The following PCCA variants were observed in gnomAD, a reference collection of about 807,000 sequenced individuals.
The protein encoded by PCCA is propionyl-CoA carboxylase alpha chain, mitochondrial.
PCCA carries 74 observed loss-of-function variants against 101.3 expected under a neutral mutation model. The observed-to-expected ratio is 0.73, with a 90% CI of 0.61 to 0.89. The LOEUF (loss-of-function observed/expected upper bound fraction) is 0.89, where lower values mean the gene tolerates loss of function less well. Ranked by LOEUF, PCCA falls within the 40% of genes least tolerant of loss-of-function variation. The probability of loss-of-function intolerance (pLI) is 0.00; values close to 1 mark genes in which losing one functional copy is unlikely to be tolerated. For synonymous variants in PCCA, 294 were observed against 313.6 expected, an observed-to-expected ratio of 0.94 and a Z score of 0.66; for missense variants, 891 against 907.0, an observed-to-expected ratio of 0.98 and a Z score of 0.23.
At chr13:100,194,563 G>T (rs1450303985) in intron 6 of PCCA, among the ~76,000 whole-genome samples, 1 of 152,020 alleles carries the variant, frequency 6.6e-6, no homozygotes. Flanking sequence ...GATTACAGGC[G>T]TGTGCCACCA....
chr13:100,158,004 A>G (rs112061249), intron 6 of PCCA, among the ~76,000 whole-genome samples: 2,239 of 152,338 alleles, frequency 0.015, 61 homozygotes, highest in African/African-American at 0.051. Context: ...ATTCTGAGAA[A>G]TGCATCATTA....
chr13:100,209,568 A>ACG, intron 7 of PCCA, 105 bp downstream of exon 7: 1 of 830,670 alleles, frequency 1.2e-6, no homozygotes, highest in South Asian at 1.4e-5. Context: ...ATACACACAC[A>ACG]CACACACATA....
intron 21 of PCCA, among the ~76,000 whole-genome samples, chr13:100,460,372 TATCTC>T (rs2082089142): frequency 6.6e-6 from 1 of 152,242 alleles, no homozygotes. Context: ...AAGGCAAACA[TATCTC>T]AGTGAGACTG....
chr13:100,199,606 C>G (rs1371273513), intron 6 of PCCA, among the ~76,000 whole-genome samples: 1 of 152,130 alleles, frequency 6.6e-6, no homozygotes, highest in African/African-American at 2.4e-5. Flanking sequence ...TTGATGAAGA[C>G]TATAGGAGGC....
At chr13:100,244,861 TATTG>T (rs1433150300) in intron 8 of PCCA, among the ~76,000 whole-genome samples, 2 of 152,120 alleles carry the variant, frequency 1.3e-5, no homozygotes, top group Admixed American at 6.6e-5. Flanking sequence ...AGGTACTGAA[TATTG>T]ATTCTTATTT....
chr13:100,190,265 A>G (rs965767616), intron 6 of PCCA, among the ~76,000 whole-genome samples: 10 of 152,174 alleles, frequency 6.6e-5, no homozygotes, highest in Non-Finnish European at 1.5e-4. Context: ...TTCTAGTGTG[A>G]ATAGTAAGGC....
At chr13:100,526,926 A>G (rs540134450) in intron 22 of PCCA, among the ~76,000 whole-genome samples, 5 of 152,378 alleles carry the variant, frequency 3.3e-5, no homozygotes, top group African/African-American at 9.6e-5. Flanking sequence ...CATGGAATGC[A>G]TGTAGCTCTG....
In PCCA at chr13:100,209,326, C is replaced by T. The variant is rs1411689584; in HGVS notation, c.469-6C>T. On this transcript the variant is annotated splice_region_variant and splice_polypyrimidine_tract_variant and intron_variant, in intron 6 of 23. Coordinates refer to ENST00000376285, the MANE Select transcript of PCCA (RefSeq NM_000282.4). ...GTTATAAATTTTGACTTGTTTTTCT[C>T]CACAGGCAGCAGAAGATGTCGTTTT... The T allele has an allele frequency of 2.5e-6, 4 of 1,613,200 alleles. No individual in the cohort carries two copies. In the Admixed American group the frequency reaches 6.7e-5, roughly 27 times the overall value.
intron 16 of PCCA, among the ~76,000 whole-genome samples, chr13:100,321,067 C>G (rs1764031345): frequency 6.6e-6 from 1 of 152,194 alleles, no homozygotes. Context: ...GCCTTAGCTA[C>G]TTATCTTTGG....
rs568574922 is a variant in PCCA at position 100,469,474 on chromosome 13, C to T, written c.1899+20169C>T. On this transcript the variant is annotated intron_variant, in intron 21 of 23. Transcript: ENST00000376285. ...TAAACATTCCTTGGCCTTTCTTGTACGTATCAAAAGGATTGATGGTGTGGC... is the reference window on the plus strand; with the variant it reads ...TAAACATTCCTTGGCCTTTCTTGTATGTATCAAAAGGATTGATGGTGTGGC... Among the ~76,000 whole-genome samples the T allele has an allele frequency of 8.6e-5, 13 of 152,026 alleles. No individual in the cohort carries two copies. In the South Asian group the frequency reaches 2.7e-3, roughly 32 times the overall value.
chr13:100,451,803 T>A (rs1356413823), intron 21 of PCCA, among the ~76,000 whole-genome samples: 4 of 55,440 alleles, frequency 7.2e-5, no homozygotes, highest in African/African-American at 3.8e-4. Context: ...CTCCTCTCTG[T>A]CCTCTTCCTC....
chr13:100,173,536 T>G (rs1238807346), intron 6 of PCCA, among the ~76,000 whole-genome samples: 2 of 152,206 alleles, frequency 1.3e-5, no homozygotes, highest in African/African-American at 4.8e-5. Flanking sequence ...GGTAGACAAG[T>G]GTATTTATCC....
chr13:100,125,135 T>TTTGTGTGTG (rs137918646), intron 4 of PCCA, among the ~76,000 whole-genome samples: 7 of 149,126 alleles, frequency 4.7e-5, no homozygotes, highest in African/African-American at 1.7e-4. Flanking sequence ...GACCTTTTAT[T>TTTGTGTGTG]TGTGTGTGTG....
intron 19 of PCCA, among the ~76,000 whole-genome samples, chr13:100,398,637 C>T (rs1217077534): frequency 2.0e-5 from 3 of 152,182 alleles, no homozygotes; most frequent in Non-Finnish European, 4.4e-5. Context: ...CCAAATTTGG[C>T]AGGTAAAATT....
Position 100,273,141 on chromosome 13 carries a change from A to G in PCCA, c.915-55A>G, listed in dbSNP as rs1477673494. The G allele has an allele frequency of 4.6e-5, 64 of 1,401,636 alleles. 1 individual carries two copies. In the East Asian group the frequency reaches 1.4e-3, roughly 30 times the overall value. 86.8% of individuals were successfully genotyped at this position (1,401,636 alleles called of 1,614,324 possible). ...AGAAAATGTTTATGTAATGCACACAAAAGATAACTTGATTTTTGTCCGAAA... is the reference window on the plus strand; with the variant it reads ...AGAAAATGTTTATGTAATGCACACAGAAGATAACTTGATTTTTGTCCGAAA... On this transcript the variant is annotated intron_variant, in intron 11 of 23. Transcript: ENST00000376285.
chr13:100,309,934 G>A, intron 16 of PCCA, 26 bp downstream of exon 16: 1 of 1,540,016 alleles, frequency 6.5e-7, no homozygotes, highest in Non-Finnish European at 9.0e-7. Flanking sequence ...TGCACTCGTT[G>A]GTTATTGTAT....
intron 18 of PCCA, among the ~76,000 whole-genome samples, chr13:100,359,942 G>A (rs2074382064): frequency 6.6e-6 from 1 of 152,120 alleles, no homozygotes. Flanking sequence ...GGAAGAAATT[G>A]GCACATTGAT....
intron 4 of PCCA, among the ~76,000 whole-genome samples, chr13:100,119,196 AT>A (rs1244892297): frequency 2.0e-5 from 3 of 151,774 alleles, no homozygotes; most frequent in African/African-American, 7.3e-5. Flanking sequence ...TTTCTTATGT[AT>A]TTGAGGCCTT....
chr13:100,232,363 T>TGTGTGTGC (rs1566759955), intron 7 of PCCA, among the ~76,000 whole-genome samples: 1 of 149,660 alleles, frequency 6.7e-6, no homozygotes, highest in South Asian at 2.1e-4. Context: ...TGTGTGTGTG[T>TGTGTGTGC]GTGTGTGTGT....
Sources: gnomAD v4.1 joint callset for allele counts (sites outside exome capture counted in the v4.1 genomes callset) on GRCh38, gnomAD v4.1.1 for gene constraint, MANE v1.5 for transcripts, NCBI Gene and HGNC (gene_info 2026-07-23, HGNC 2026-07-21) for gene names.